Variants in PRKN observed in about 807,000 individuals in gnomAD.
PRKN encodes the protein parkin RBR E3 ubiquitin protein ligase.
A neutral mutation model predicts 59.5 loss-of-function variants in PRKN; 56 were observed. The observed-to-expected ratio is 0.94, with a 90% CI of 0.76 to 1.18. The LOEUF is 1.18. PRKN is among the 50% of genes most tolerant of loss of function. The pLI, the probability that PRKN is intolerant of heterozygous loss-of-function variation, is 0.00. For synonymous variants in PRKN, 250 were observed against 222.1 expected, an observed-to-expected ratio of 1.13 and a Z score of -1.12; for missense variants, 657 against 596.4, an observed-to-expected ratio of 1.10 and a Z score of -1.06.
intron 1 of PRKN, among the ~76,000 whole-genome samples, chr6:162,485,578 C>T (rs1792499521): frequency 6.6e-6 from 1 of 152,186 alleles, no homozygotes; most frequent in Non-Finnish European, 1.5e-5. Context: ...TATTTATCTT[C>T]CTCTCCACAA....
chr6:162,241,903 A>G (rs1161600231), intron 3 of PRKN, among the ~76,000 whole-genome samples: 1 of 152,032 alleles, frequency 6.6e-6, no homozygotes, highest in Non-Finnish European at 1.5e-5. Flanking sequence ...TTCTAGAAGG[A>G]ATTTAAAAGA....
chr6:162,337,875 T>C (rs1033386315), intron 2 of PRKN, among the ~76,000 whole-genome samples: 2 of 152,218 alleles, frequency 1.3e-5, no homozygotes, highest in East Asian at 3.9e-4. Flanking sequence ...TGTGAGAGTA[T>C]TACAAGTAAC....
chr6:161,944,405 C>G (rs145307277), intron 6 of PRKN, among the ~76,000 whole-genome samples: 1,842 of 152,294 alleles, frequency 0.012, 16 homozygotes, highest in Non-Finnish European at 0.02. Context: ...AGACCCCATG[C>G]TGAATACATA....
chr6:161,860,894 C>T (rs1404845378), intron 6 of PRKN, among the ~76,000 whole-genome samples: 1 of 152,178 alleles, frequency 6.6e-6, no homozygotes, highest in Non-Finnish European at 1.5e-5. Context: ...CATCTTACAC[C>T]AGTCAGAATG....
intron 7 of PRKN, among the ~76,000 whole-genome samples, chr6:161,607,722 A>G (rs900355228): frequency 6.6e-6 from 1 of 152,216 alleles, no homozygotes; most frequent in South Asian, 2.1e-4. Flanking sequence ...AAGAGAAAAT[A>G]AAGTGGAGAA....
chr6:161,426,253 G>A (rs1375489763), intron 9 of PRKN, among the ~76,000 whole-genome samples: 2 of 152,170 alleles, frequency 1.3e-5, no homozygotes, highest in Non-Finnish European at 1.5e-5. Context: ...ATGCTATTGT[G>A]ATGGTTAATA....
chr6:161,563,494 C>G (rs925559346), intron 8 of PRKN, among the ~76,000 whole-genome samples: 16 of 152,078 alleles, frequency 1.1e-4, no homozygotes, highest in Non-Finnish European at 1.9e-4. Context: ...CTTTAGTTTC[C>G]TACAATGTGA....
chr6:161,641,690 T>C (rs1458088162), intron 7 of PRKN, among the ~76,000 whole-genome samples: 1 of 152,190 alleles, frequency 6.6e-6, no homozygotes, highest in Non-Finnish European at 1.5e-5. Flanking sequence ...CATTGGGCAG[T>C]ATAGGATGAG....
At chr6:162,636,399 C>T (rs954663732) in intron 1 of PRKN, among the ~76,000 whole-genome samples, 2 of 152,116 alleles carry the variant, frequency 1.3e-5, no homozygotes, top group Admixed American at 6.5e-5. Context: ...AATAAACCAA[C>T]CAATAAATAA....
intron 7 of PRKN, among the ~76,000 whole-genome samples, chr6:161,665,527 C>T (rs1185182175): frequency 2.6e-5 from 4 of 152,182 alleles, no homozygotes; most frequent in Non-Finnish European, 1.5e-5. Context: ...TTAATACTAT[C>T]ATCGAGCATT....
At chr6:162,190,052 T>G (rs1342069842) in intron 4 of PRKN, among the ~76,000 whole-genome samples, 1 of 152,092 alleles carries the variant, frequency 6.6e-6, no homozygotes, top group African/African-American at 2.4e-5. Flanking sequence ...TCTTTGAAAC[T>G]AGCCGTGGGA....
chr6:162,535,260 G>A (rs1474552644), intron 1 of PRKN, among the ~76,000 whole-genome samples: 1 of 152,094 alleles, frequency 6.6e-6, no homozygotes. Flanking sequence ...GGACCTTTCT[G>A]CAAACTCCAG....
intron 1 of PRKN, among the ~76,000 whole-genome samples, chr6:162,551,674 T>C (rs889506321): frequency 1.2e-4 from 18 of 152,214 alleles, no homozygotes; most frequent in African/African-American, 4.3e-4. Context: ...GTTTGGTTTC[T>C]GTTGAGGGCA....
chr6:161,666,060 C>T (rs1469532658), intron 7 of PRKN, among the ~76,000 whole-genome samples: 1 of 152,232 alleles, frequency 6.6e-6, no homozygotes, highest in East Asian at 1.9e-4. Flanking sequence ...TAGCCCATCA[C>T]ACCTGGGCAG....
At chr6:162,294,916 A>G (rs1157130502) in intron 2 of PRKN, among the ~76,000 whole-genome samples, 1 of 152,194 alleles carries the variant, frequency 6.6e-6, no homozygotes, top group Non-Finnish European at 1.5e-5. Context: ...ACAGGACAAG[A>G]TCTGAACGAG....
At position 161,367,668 on chromosome 6, in the gene PRKN, G is replaced by A. The variant is rs866636934; in HGVS notation, c.1168-7463C>T. Among the ~76,000 whole-genome samples the A allele has an allele frequency of 2.2e-4, 34 of 152,108 alleles. 1 individual carries two copies. The highest frequency in any genetic ancestry group is 6.6e-5 in the Admixed American group (1 of 15,258). ...AATCTGATGACTCAGACCTCGGCAC[G>A]GGCTAACACAGAGCTGTGTAGGCAT... On this transcript the variant is annotated intron_variant, in intron 10 of 11. Coordinates refer to ENST00000366898, the MANE Select transcript of PRKN (RefSeq NM_004562.3).
chr6:162,634,306 C>A (rs1777627669), intron 1 of PRKN, among the ~76,000 whole-genome samples: 1 of 152,096 alleles, frequency 6.6e-6, no homozygotes, highest in African/African-American at 2.4e-5. Context: ...TTTCTCCCTC[C>A]TCCTCCTCTT....
At chr6:162,121,283 C>G (rs1322033076) in intron 4 of PRKN, among the ~76,000 whole-genome samples, 2 of 152,076 alleles carry the variant, frequency 1.3e-5, no homozygotes, top group African/African-American at 4.8e-5. Context: ...TGTATGCCAA[C>G]CCGTGGAAAA....
At chr6:161,938,039 T>C (rs1412670137) in intron 6 of PRKN, among the ~76,000 whole-genome samples, 1 of 152,194 alleles carries the variant, frequency 6.6e-6, no homozygotes, top group Non-Finnish European at 1.5e-5. Context: ...TTGGACAACC[T>C]AGGTCAATAT....
Sources: gnomAD v4.1 joint callset for allele counts (sites outside exome capture counted in the v4.1 genomes callset) on GRCh38, gnomAD v4.1.1 for gene constraint, MANE v1.5 for transcripts, NCBI Gene and HGNC (gene_info 2026-07-23, HGNC 2026-07-21) for gene names.